The following TBL1X variants were observed in gnomAD, a reference collection of about 807,000 sequenced individuals.
TBL1X encodes F-box-like/WD repeat-containing protein TBL1X.
In TBL1X, 10 loss-of-function variants were observed where a neutral mutation model predicts 50.7. The observed-to-expected ratio is 0.20, with a 90% CI of 0.12 to 0.33. The LOEUF (loss-of-function observed/expected upper bound fraction) is 0.33. TBL1X is among the 10% of genes least tolerant of loss of function. TBL1X has a pLI of 1.00. For synonymous variants in TBL1X, 190 were observed against 214.7 expected, an observed-to-expected ratio of 0.88 and a Z score of 1.01; for missense variants, 340 against 504.4, an observed-to-expected ratio of 0.67 and a Z score of 3.12.
chrX:9,569,312 G>T (rs979715656), intron 2 of TBL1X, among the ~76,000 whole-genome samples: 9 of 61,801 alleles, frequency 1.5e-4, no homozygotes, highest in Non-Finnish European at 2.7e-4. Context: ...TGTGTGTGTG[G>T]TGTGCTGTGT....
chrX:9,483,496 G>A (rs1006719044), intron 1 of TBL1X, among the ~76,000 whole-genome samples: 1 of 111,812 alleles, frequency 8.9e-6, no homozygotes. Flanking sequence ...ACGTTCATCC[G>A]TGTCTGTTCC....
intron 2 of TBL1X, among the ~76,000 whole-genome samples, chrX:9,539,744 C>T (rs990525984): frequency 7.2e-5 from 8 of 111,717 alleles, no homozygotes; most frequent in African/African-American, 2.7e-4. Flanking sequence ...TAGTCCTGCA[C>T]CTGGCACAGA....
chrX:9,645,587 G>A (rs1285147414), intron 3 of TBL1X, among the ~76,000 whole-genome samples: 1 of 111,773 alleles, frequency 8.9e-6, no homozygotes, highest in Non-Finnish European at 1.9e-5. Flanking sequence ...CTCTAGTAAC[G>A]AAGAAATAAT....
rs7065609 is a variant in TBL1X at position 9,476,565 on chromosome X, A to T, written c.-201+11118A>T. 9.8e-3 allele frequency among the ~76,000 whole-genome samples: 1,099 copies of T among 112,239 alleles called. 18 individuals are homozygous for T. Among genetic ancestry groups the T allele is most frequent in the African/African-American group, 0.034 (1,060 of 30,865 alleles). On this transcript the variant is annotated intron_variant, in intron 1 of 17. Transcript: ENST00000645353. ...AGAATTGACTTTATTTCTTAAGCGC[A>T]CACTTCCTGTGCTTTCAAGGGGCAG...
chrX:9,628,850 C>G (rs2082706267), intron 2 of TBL1X, among the ~76,000 whole-genome samples: 1 of 112,175 alleles, frequency 8.9e-6, no homozygotes, highest in African/African-American at 3.2e-5. Context: ...GCCTGGCAGA[C>G]TTGGATGTTT....
intron 2 of TBL1X, among the ~76,000 whole-genome samples, chrX:9,593,700 CT>C (rs2082513805): frequency 9.0e-6 from 1 of 110,993 alleles, no homozygotes; most frequent in African/African-American, 3.3e-5. Flanking sequence ...TTCACCTTTC[CT>C]TTCCAACCCC....
At chrX:9,612,787 C>G (rs1053563306) in intron 2 of TBL1X, among the ~76,000 whole-genome samples, 1 of 110,970 alleles carries the variant, frequency 9.0e-6, no homozygotes, top group African/African-American at 3.3e-5. Flanking sequence ...ATGCCTGTAT[C>G]AAAACATCTC....
chrX:9,489,524 A>T (rs1221336657), intron 1 of TBL1X, among the ~76,000 whole-genome samples: 2 of 111,172 alleles, frequency 1.8e-5, no homozygotes, highest in African/African-American at 6.5e-5. Context: ...CTTATATGGG[A>T]ATAGGAAGGC....
At chrX:9,538,087 G>A (rs981239521) in intron 2 of TBL1X, among the ~76,000 whole-genome samples, 18 of 112,428 alleles carry the variant, frequency 1.6e-4, no homozygotes, top group Non-Finnish European at 2.6e-4. Context: ...GTGCATCTGA[G>A]ATCAGGTCAT....
chrX:9,719,510 T>C lies in TBL1X; in HGVS notation c.*3264T>C, dbSNP rs1268713128. ...GTTTTGCATTCTGGCTTGTGCAGTTTTTATTGTCTGTGTCAGACGTACAGC... is the reference window on the plus strand; with the variant it reads ...GTTTTGCATTCTGGCTTGTGCAGTTCTTATTGTCTGTGTCAGACGTACAGC... On this transcript the variant is annotated 3_prime_UTR_variant, in exon 18 of 18. Transcript: ENST00000645353. 1 of 112,211 alleles carries C rather than the reference T, an allele frequency of 8.9e-6. No homozygotes were observed. Among genetic ancestry groups the C allele is most frequent in the South Asian group, 3.8e-4 (1 of 2,656 alleles). 9.2% of individuals were successfully genotyped at this position (112,211 alleles called of 1,213,427 possible). A position where few individuals can be genotyped will look rare whatever the true frequency, so the allele number is the denominator to read the frequency against.
intron 3 of TBL1X, among the ~76,000 whole-genome samples, chrX:9,651,505 C>A (rs1316440255): frequency 8.9e-6 from 1 of 112,638 alleles, no homozygotes; most frequent in Non-Finnish European, 1.9e-5. Context: ...TTGCTATTGG[C>A]ACTGTGTTGC....
At chrX:9,489,501 T>C (rs1032451329) in intron 1 of TBL1X, among the ~76,000 whole-genome samples, 5 of 111,782 alleles carry the variant, frequency 4.5e-5, no homozygotes, top group African/African-American at 1.6e-4. Context: ...TGGTTAGCTG[T>C]GTCTCTCCTG....
chrX:9,675,596 C>T (rs1039206941), intron 5 of TBL1X, among the ~76,000 whole-genome samples: 15 of 111,570 alleles, frequency 1.3e-4, no homozygotes, highest in Non-Finnish European at 2.1e-4. Flanking sequence ...GAAATTAAGA[C>T]GCACAGGCCA....
chrX:9,536,400 A>T (rs1178624808), intron 2 of TBL1X, among the ~76,000 whole-genome samples: 1 of 109,727 alleles, frequency 9.1e-6, no homozygotes, highest in Non-Finnish European at 1.9e-5. Context: ...ACAGGCATGC[A>T]CCACGATGCC....
In TBL1X at chrX:9,687,418, C is replaced by T. The variant is rs184299477; in HGVS notation, c.358-599C>T. Among the ~76,000 whole-genome samples the T allele has an allele frequency of 6.3e-5, 7 of 111,831 alleles. No homozygotes were observed. In the East Asian group the frequency reaches 2.0e-3, roughly 31 times the overall value. On this transcript the variant is annotated intron_variant, in intron 6 of 17. Transcript: ENST00000645353. The stretch of plus-strand genomic sequence containing the variant: ...TTTGGGCTCTGCTTCTGAAGCGTTA[C>T]CCTCCCATATAATGGATGGTCATTT...
At chrX:9,500,781 G>A (rs948258939) in intron 1 of TBL1X, among the ~76,000 whole-genome samples, 1 of 111,955 alleles carries the variant, frequency 8.9e-6, no homozygotes, top group Non-Finnish European at 1.9e-5. Context: ...CCATCCTAAC[G>A]TCTGCCGGGG....
intron 2 of TBL1X, among the ~76,000 whole-genome samples, chrX:9,548,095 A>T (rs1203974491): frequency 9.2e-6 from 1 of 108,929 alleles, no homozygotes; most frequent in African/African-American, 3.4e-5. Flanking sequence ...TGTCGTTAGG[A>T]TGTATCTCAC....
At chrX:9,481,938 G>A (rs1487567448) in intron 1 of TBL1X, among the ~76,000 whole-genome samples, 3 of 112,174 alleles carry the variant, frequency 2.7e-5, no homozygotes, top group Non-Finnish European at 5.6e-5. Context: ...GGTATAGTAA[G>A]AATAAAACTT....
At chrX:9,605,614 A>G (rs778898728) in intron 2 of TBL1X, among the ~76,000 whole-genome samples, 4 of 112,530 alleles carry the variant, frequency 3.6e-5, no homozygotes, top group Non-Finnish European at 5.6e-5. Context: ...ATGCTTAGGT[A>G]AGTGGAGCAA....
Sources: gnomAD v4.1 joint callset for allele counts (sites outside exome capture counted in the v4.1 genomes callset) on GRCh38, gnomAD v4.1.1 for gene constraint, MANE v1.5 for transcripts, NCBI Gene and HGNC (gene_info 2026-07-23, HGNC 2026-07-21) for gene names.